Variants in RALYL observed in about 807,000 individuals in gnomAD.
The protein encoded by RALYL is RALY RNA binding protein like.
Under a neutral mutation model 35.1 loss-of-function variants are expected in RALYL, and 29 were observed. The ratio of observed to expected loss-of-function variants is 0.83; its 90% CI spans 0.61 to 1.13. RALYL has a LOEUF of 1.13. Ranked by LOEUF, RALYL falls within the 50% of genes most tolerant of loss-of-function variation. The pLI, the probability that RALYL is intolerant of heterozygous loss-of-function variation, is 0.00. For missense variants in RALYL, 359 were observed against 360.4 expected (o/e 1.00, Z 0.03); for synonymous variants, 120 against 127.6 (o/e 0.94, Z 0.40).
chr8:84,718,853 A>C (rs1405020914), intron 2 of RALYL, among the ~76,000 whole-genome samples: 3 of 152,196 alleles, frequency 2.0e-5, no homozygotes, highest in African/African-American at 7.2e-5. Flanking sequence ...GTATTATCTT[A>C]CTTTGAAGGT....
intron 2 of RALYL, among the ~76,000 whole-genome samples, chr8:84,724,761 G>T (rs904209457): frequency 4.6e-5 from 7 of 151,728 alleles, no homozygotes; most frequent in African/African-American, 1.4e-4. Flanking sequence ...AGATTTTGTA[G>T]GCAAATTTCT....
At chr8:84,773,233 T>C (rs776579589) in intron 2 of RALYL, among the ~76,000 whole-genome samples, 127 of 152,344 alleles carry the variant, frequency 8.3e-4, no homozygotes, top group Non-Finnish European at 1.6e-3. Flanking sequence ...GGTGGAATGT[T>C]CTTCAAATCC....
At chr8:84,702,279 G>A (rs980461732) in intron 2 of RALYL, among the ~76,000 whole-genome samples, 2 of 152,010 alleles carry the variant, frequency 1.3e-5, no homozygotes, top group African/African-American at 4.8e-5. Flanking sequence ...GCCCTTTTAG[G>A]TAAGTTTCCC....
intron 2 of RALYL, among the ~76,000 whole-genome samples, chr8:84,579,141 T>A (rs1318501347): frequency 6.6e-6 from 1 of 152,074 alleles, no homozygotes; most frequent in African/African-American, 2.4e-5. Context: ...TAGGCCTCCC[T>A]CCCATGATTA....
intron 2 of RALYL, among the ~76,000 whole-genome samples, chr8:84,674,397 C>T (rs1564351402): frequency 6.6e-6 from 1 of 152,166 alleles, no homozygotes; most frequent in African/African-American, 2.4e-5. Flanking sequence ...CTGGCCAGAA[C>T]TTCCAATATT....
chr8:84,503,570 G>C (rs893053264), intron 1 of RALYL, among the ~76,000 whole-genome samples: 1 of 152,060 alleles, frequency 6.6e-6, no homozygotes, highest in Non-Finnish European at 1.5e-5. Context: ...TGAAAGCAAG[G>C]CCGGGCATGG....
intron 1 of RALYL, among the ~76,000 whole-genome samples, chr8:84,438,104 G>T (rs925792724): frequency 2.6e-5 from 4 of 152,112 alleles, no homozygotes; most frequent in Non-Finnish European, 4.4e-5. Flanking sequence ...TTTTAATGGG[G>T]TGATTGGGTT....
intron 1 of RALYL, among the ~76,000 whole-genome samples, chr8:84,319,059 C>G (rs1465374520): frequency 6.6e-6 from 1 of 152,054 alleles, no homozygotes; most frequent in Non-Finnish European, 1.5e-5. Flanking sequence ...CAACGAAGAG[C>G]TATTTTCCTA....
At chr8:84,671,876 T>C (rs932391184) in intron 2 of RALYL, among the ~76,000 whole-genome samples, 5 of 152,216 alleles carry the variant, frequency 3.3e-5, no homozygotes, top group African/African-American at 1.2e-4. Flanking sequence ...CTCATTACTA[T>C]GCAAATTTAT....
At chr8:84,224,128 C>T (rs1823228776) in intron 1 of RALYL, among the ~76,000 whole-genome samples, 1 of 152,166 alleles carries the variant, frequency 6.6e-6, no homozygotes, top group Non-Finnish European at 1.5e-5. Flanking sequence ...ACTGTGCTTA[C>T]TGTGACTTCT....
chr8:84,462,396 C>T (rs1021533494), intron 1 of RALYL, among the ~76,000 whole-genome samples: 5 of 150,804 alleles, frequency 3.3e-5, no homozygotes, highest in Admixed American at 3.3e-4. Flanking sequence ...CTGACTTGTT[C>T]CGTCCTCTGA....
chr8:84,779,663 A>G (rs1441458760), intron 3 of RALYL, among the ~76,000 whole-genome samples: 1 of 152,224 alleles, frequency 6.6e-6, no homozygotes, highest in East Asian at 1.9e-4. Context: ...CCATTTTAAG[A>G]TCATCACAAT....
intron 2 of RALYL, among the ~76,000 whole-genome samples, chr8:84,583,179 C>T (rs1811232816): frequency 6.6e-6 from 1 of 152,042 alleles, no homozygotes; most frequent in Non-Finnish European, 1.5e-5. Context: ...AATGTTAGTC[C>T]TCTTGTCCTT....
chr8:84,646,710 T>C (rs991171690), intron 2 of RALYL, among the ~76,000 whole-genome samples: 2 of 151,950 alleles, frequency 1.3e-5, no homozygotes, highest in African/African-American at 4.8e-5. Flanking sequence ...TTGGAGTGTT[T>C]TATTCCTTTT....
intron 3 of RALYL, among the ~76,000 whole-genome samples, chr8:84,779,729 T>C (rs1413427498): frequency 6.6e-6 from 1 of 152,170 alleles, no homozygotes; most frequent in African/African-American, 2.4e-5. Flanking sequence ...TGATAAAAAA[T>C]AACTTTCAGA....
rs534173708 is a variant in RALYL at position 84,735,159 on chromosome 8, G to T, written c.257-39420G>T. On this transcript the variant is annotated intron_variant, in intron 2 of 8. Coordinates refer to ENST00000521268, the MANE Select transcript of RALYL (RefSeq NM_173848.7). ...CTTAGACACTTCTCAGTACCAAGCC[G>T]AATACCCCAAGGAGTAGCCTGGGTA... Among the ~76,000 whole-genome samples the T allele has an allele frequency of 2.4e-3, 366 of 151,606 alleles. 1 individual carries two copies. The highest frequency in any genetic ancestry group is 6.5e-3 in the South Asian group (31 of 4,762).
chr8:84,880,149 A>G (rs951806026), intron 7 of RALYL, among the ~76,000 whole-genome samples: 1 of 152,108 alleles, frequency 6.6e-6, no homozygotes, highest in South Asian at 2.1e-4. Context: ...CAATGGCTCT[A>G]TCTTATTCAA....
chr8:84,399,888 G>C (rs1367038073), intron 1 of RALYL, among the ~76,000 whole-genome samples: 1 of 152,152 alleles, frequency 6.6e-6, no homozygotes, highest in African/African-American at 2.4e-5. Context: ...CTCATGCCGT[G>C]GGTGGATCAC....
intron 2 of RALYL, among the ~76,000 whole-genome samples, chr8:84,579,734 GA>G (rs1167323986): frequency 1.3e-5 from 2 of 152,154 alleles, no homozygotes; most frequent in African/African-American, 4.8e-5. Flanking sequence ...TGGAATTGGA[GA>G]AAATTGTGGC....
Sources: gnomAD v4.1 joint callset for allele counts (sites outside exome capture counted in the v4.1 genomes callset) on GRCh38, gnomAD v4.1.1 for gene constraint, MANE v1.5 for transcripts, NCBI Gene and HGNC (gene_info 2026-07-23, HGNC 2026-07-21) for gene names.